SRGAP1: variants seen among roughly 807,000 people sequenced by gnomAD.
SRGAP1 encodes the protein SLIT-ROBO Rho GTPase activating protein 1.
Under a neutral mutation model 121.9 loss-of-function variants are expected in SRGAP1, and 43 were observed. The ratio of observed to expected loss-of-function variants is 0.35; its 90% CI spans 0.28 to 0.46. The LOEUF (loss-of-function observed/expected upper bound fraction) is 0.46. Among genes scored for constraint, SRGAP1 ranks in the 20% least tolerant of loss-of-function variants. The pLI, the probability that SRGAP1 is intolerant of heterozygous loss-of-function variation, is 1.00. For synonymous variants in SRGAP1, 447 were observed against 485.4 expected, an observed-to-expected ratio of 0.92 and a Z score of 1.04; for missense variants, 1,102 against 1,350.9, an observed-to-expected ratio of 0.82 and a Z score of 2.89.
chr12:64,088,027 T>C (rs547937537), intron 11 of SRGAP1, among the ~76,000 whole-genome samples: 4 of 152,334 alleles, frequency 2.6e-5, no homozygotes, highest in African/African-American at 9.6e-5. Flanking sequence ...TAGCAAGATG[T>C]TGCATTTTTG....
chr12:63,901,842 T>C (rs1349871230), intron 1 of SRGAP1, among the ~76,000 whole-genome samples: 1 of 152,192 alleles, frequency 6.6e-6, no homozygotes, highest in Non-Finnish European at 1.5e-5. Flanking sequence ...GAACTCTAAA[T>C]TAGAATTGTT....
chr12:63,876,605 A>G (rs1477924533), intron 1 of SRGAP1, among the ~76,000 whole-genome samples: 1 of 152,212 alleles, frequency 6.6e-6, no homozygotes, highest in Non-Finnish European at 1.5e-5. Flanking sequence ...TGTTTCTACC[A>G]TTTAACATTA....
At chr12:64,137,073 G>A (rs2036867511) in intron 21 of SRGAP1, among the ~76,000 whole-genome samples, 1 of 152,092 alleles carries the variant, frequency 6.6e-6, no homozygotes, top group South Asian at 2.1e-4. Context: ...AGACCAGCCT[G>A]GCCAACATGG....
intron 1 of SRGAP1, 140 bp from the exon 2 acceptor site, chr12:63,983,800 ATATATAT>A (rs2033322899): frequency 2.4e-3 from 2 of 832 alleles, no homozygotes; most frequent in South Asian, 0.042. Context: ...CATTTAAAAT[ATATATAT>A]ATATATATAT....
chr12:64,091,815 T>C (rs1423320567), intron 12 of SRGAP1: 1 of 915,180 alleles, frequency 1.1e-6, no homozygotes, highest in Non-Finnish European at 1.6e-6. Flanking sequence ...ATTGTAAGAC[T>C]ATGATCTATA....
At chr12:63,905,082 T>C (rs2030137350) in intron 1 of SRGAP1, among the ~76,000 whole-genome samples, 1 of 152,212 alleles carries the variant, frequency 6.6e-6, no homozygotes, top group Non-Finnish European at 1.5e-5. Flanking sequence ...GTTTTAAATA[T>C]AATTAGATTA....
intron 1 of SRGAP1, among the ~76,000 whole-genome samples, chr12:63,881,153 A>G (rs1289042014): frequency 2.6e-5 from 4 of 152,216 alleles, no homozygotes; most frequent in South Asian, 2.1e-4. Flanking sequence ...AGCTCTTGAT[A>G]TTATAGATAG....
chr12:64,115,107 A>T (rs1209922225), intron 17 of SRGAP1, among the ~76,000 whole-genome samples: 1 of 152,258 alleles, frequency 6.6e-6, no homozygotes, highest in Non-Finnish European at 1.5e-5. Context: ...AGATGCCACA[A>T]GCAGTTCAAA....
chr12:63,909,192 A>G (rs1348420075), intron 1 of SRGAP1, among the ~76,000 whole-genome samples: 1 of 152,098 alleles, frequency 6.6e-6, no homozygotes, highest in Admixed American at 6.6e-5. Flanking sequence ...CGGGCCTACA[A>G]TAAGAATCTT....
chr12:63,979,990 GCCTGCGGC>G (rs1409995423), intron 1 of SRGAP1, among the ~76,000 whole-genome samples: 1 of 152,172 alleles, frequency 6.6e-6, no homozygotes, highest in Non-Finnish European at 1.5e-5. Flanking sequence ...AGCTGCAGCC[GCCTGCGGC>G]CCCATGGCAG....
rs549240286 is a variant in SRGAP1, at chr12:64,059,288, C to T, written c.802-3629C>T. 3.3e-5 allele frequency among the ~76,000 whole-genome samples: 5 copies of T among 152,234 alleles called. No homozygotes were observed. The South Asian group carries it at 6.2e-4, about 19-fold the overall frequency. ...AAATTTTGAGGCGTGAGCTAAGTCTCGGAATAATGAAAATTTAGTATGTAT... is the reference window on the plus strand; with the variant it reads ...AAATTTTGAGGCGTGAGCTAAGTCTTGGAATAATGAAAATTTAGTATGTAT... On this transcript the variant is annotated intron_variant, in intron 6 of 21. Coordinates refer to ENST00000355086, the MANE Select transcript of SRGAP1 (RefSeq NM_020762.4).
rs943582280 is a variant in SRGAP1, at chr12:63,987,251, C to G, written c.264-2659C>G. On this transcript the variant is annotated intron_variant, in intron 2 of 21. Coordinates refer to ENST00000355086, the MANE Select transcript of SRGAP1 (RefSeq NM_020762.4). Reference sequence around the variant, plus strand: ...GCTATATTCTGGAGTCTGGTTCTTACTCAGTTTTGGGACACTTATTGTGTA... The same window carrying G: ...GCTATATTCTGGAGTCTGGTTCTTAGTCAGTTTTGGGACACTTATTGTGTA... Among the ~76,000 whole-genome samples, 2 of 152,296 alleles carry G rather than the reference C, an allele frequency of 1.3e-5. 1 individual carries two copies.
chr12:64,010,311 T>C (rs2034214510), intron 3 of SRGAP1, among the ~76,000 whole-genome samples: 1 of 152,180 alleles, frequency 6.6e-6, no homozygotes, highest in South Asian at 2.1e-4. Context: ...TCCAACCACA[T>C]AGATCACTTG....
At chr12:63,980,273 C>CA (rs2033211711) in intron 1 of SRGAP1, among the ~76,000 whole-genome samples, 2 of 152,098 alleles carry the variant, frequency 1.3e-5, no homozygotes, top group Non-Finnish European at 2.9e-5. Context: ...AGGCTGATTT[C>CA]AAACATTTGA....
At chr12:64,016,384 G>A (rs2034402269) in intron 3 of SRGAP1, among the ~76,000 whole-genome samples, 1 of 152,184 alleles carries the variant, frequency 6.6e-6, no homozygotes, top group Admixed American at 6.5e-5. Context: ...CTATTCGGGA[G>A]GCTGAGGTGG....
rs538435782 is a variant in SRGAP1, at chr12:64,123,677, T to A, written c.2225-2300T>A. 3.2e-4 allele frequency among the ~76,000 whole-genome samples: 46 copies of A among 145,104 alleles called. No individual in the cohort carries two copies. In the South Asian group the frequency reaches 5.2e-3, roughly 16 times the overall value. On this transcript the variant is annotated intron_variant, in intron 18 of 21. Coordinates refer to ENST00000355086, the MANE Select transcript of SRGAP1 (RefSeq NM_020762.4). Reference sequence around the variant, plus strand: ...ATTTATTTATTTATTTATTTATTTATTTATTTATTTTTATAGAACTGAGGC... The same window carrying A: ...ATTTATTTATTTATTTATTTATTTAATTATTTATTTTTATAGAACTGAGGC...
intron 1 of SRGAP1, among the ~76,000 whole-genome samples, chr12:63,913,194 CTTTTTTTTTTTTTT>C (rs759566545): frequency 8.5e-5 from 5 of 59,044 alleles, no homozygotes; most frequent in East Asian, 5.8e-4. Context: ...GTAAATCCTT[CTTTTTTTTTTTTTT>C]TTTTTTTTTT....
intron 1 of SRGAP1, among the ~76,000 whole-genome samples, chr12:63,939,062 A>G (rs2136347848): frequency 6.6e-6 from 1 of 150,942 alleles, no homozygotes; most frequent in East Asian, 2.0e-4. Context: ...GGCTGAGGCA[A>G]GAGGACCACT....
chr12:63,984,345 C>T (rs1190526106), intron 2 of SRGAP1, among the ~76,000 whole-genome samples: 1 of 152,068 alleles, frequency 6.6e-6, no homozygotes, highest in Non-Finnish European at 1.5e-5. Context: ...ACACTTTTGT[C>T]TTTCCAATAC....
Sources: allele counts gnomAD v4.1 joint callset (sites outside exome capture counted in the v4.1 genomes callset), GRCh38; gene constraint gnomAD v4.1.1; transcripts MANE v1.5; gene names NCBI Gene and HGNC (gene_info 2026-07-23, HGNC 2026-07-21).